Variants in GRM7 observed in about 807,000 individuals in gnomAD.
The protein encoded by GRM7 is metabotropic glutamate receptor 7.
A neutral mutation model predicts 84.5 loss-of-function variants in GRM7; 35 were observed. The ratio of observed to expected loss-of-function variants is 0.41; its 90% CI spans 0.32 to 0.55. The LOEUF is 0.55. Ranked by LOEUF, GRM7 falls within the 20% of genes least tolerant of loss-of-function variation. The probability of loss-of-function intolerance (pLI) is 0.19; values close to 1 mark genes in which losing one functional copy is unlikely to be tolerated. For missense variants in GRM7, 1,003 were observed against 1,194.6 expected, an observed-to-expected ratio of 0.84 and a Z score of 2.36; for synonymous variants, 487 against 455.1, an observed-to-expected ratio of 1.07 and a Z score of -0.89.
intron 1 of GRM7, among the ~76,000 whole-genome samples, chr3:7,082,576 A>G (rs980133436): frequency 1.1e-4 from 17 of 152,232 alleles, no homozygotes; most frequent in African/African-American, 4.1e-4. Context: ...ATTATTTAAG[A>G]CTTATTTAAG....
At chr3:7,405,447 C>T (rs2125165274) in intron 4 of GRM7, among the ~76,000 whole-genome samples, 1 of 152,226 alleles carries the variant, frequency 6.6e-6, no homozygotes, top group South Asian at 2.1e-4. Flanking sequence ...TTAGCATATT[C>T]ATCCACTCAA....
chr3:7,271,402 A>G (rs1402907330), intron 2 of GRM7, among the ~76,000 whole-genome samples: 3 of 151,836 alleles, frequency 2.0e-5, no homozygotes, highest in East Asian at 2.0e-4. Context: ...TACTAAAAAT[A>G]CAAAAAATTA....
At chr3:7,723,856 A>G (rs1318944153) in intron 9 of GRM7, among the ~76,000 whole-genome samples, 1 of 152,030 alleles carries the variant, frequency 6.6e-6, no homozygotes, top group Admixed American at 6.6e-5. Context: ...CCCCAAAAAC[A>G]TTTTTTTAAT....
At chr3:7,453,934 G>T (rs1329113697) in intron 6 of GRM7, among the ~76,000 whole-genome samples, 1 of 152,106 alleles carries the variant, frequency 6.6e-6, no homozygotes, top group Non-Finnish European at 1.5e-5. Flanking sequence ...TAACAAAAAG[G>T]TGGAGGAAGG....
chr3:7,706,979 T>C (rs926937156), intron 9 of GRM7, among the ~76,000 whole-genome samples: 2 of 133,382 alleles, frequency 1.5e-5, no homozygotes, highest in African/African-American at 2.7e-5. Flanking sequence ...ATGTATAATA[T>C]ACCAGTAACA....
At chr3:7,628,395 A>G (rs1365089795) in intron 8 of GRM7, among the ~76,000 whole-genome samples, 1 of 152,150 alleles carries the variant, frequency 6.6e-6, no homozygotes, top group South Asian at 2.1e-4. Context: ...CTGTATCCTC[A>G]GTGCCTGGAA....
chr3:7,714,267 G>A (rs1701698365), intron 9 of GRM7, among the ~76,000 whole-genome samples: 1 of 152,094 alleles, frequency 6.6e-6, no homozygotes, highest in Admixed American at 6.5e-5. Flanking sequence ...TAGGACAACT[G>A]AGGCAACTCT....
At chr3:7,588,579 T>C (rs567841907) in intron 8 of GRM7, among the ~76,000 whole-genome samples, 33 of 152,068 alleles carry the variant, frequency 2.2e-4, no homozygotes, top group African/African-American at 7.0e-4. Context: ...ATGTACATGA[T>C]GGTGTTGGGG....
chr3:6,992,233 A>G (rs544941328), intron 1 of GRM7, among the ~76,000 whole-genome samples: 3 of 152,270 alleles, frequency 2.0e-5, no homozygotes, highest in East Asian at 1.9e-4. Flanking sequence ...CTACTATTCA[A>G]TACACTCAAT....
intron 8 of GRM7, among the ~76,000 whole-genome samples, chr3:7,645,319 C>CAGT (rs1698573220): frequency 8.6e-5 from 13 of 151,864 alleles, no homozygotes; most frequent in Admixed American, 4.6e-4. Flanking sequence ...GAGGCCAAGG[C>CAGT]GGGCAGACCA....
chr3:7,491,622 T>C (rs1699521009), intron 7 of GRM7, among the ~76,000 whole-genome samples: 1 of 152,192 alleles, frequency 6.6e-6, no homozygotes, highest in Non-Finnish European at 1.5e-5. Flanking sequence ...TCCTTTCAGC[T>C]TTTAAACTTA....
intron 1 of GRM7, among the ~76,000 whole-genome samples, chr3:7,137,200 C>G (rs1169700940): frequency 6.6e-6 from 1 of 152,032 alleles, no homozygotes; most frequent in Admixed American, 6.6e-5. Context: ...TCCATTTTAA[C>G]TATTCTTGAA....
chr3:7,344,425 C>T (rs777260138), intron 4 of GRM7, among the ~76,000 whole-genome samples: 6 of 152,104 alleles, frequency 3.9e-5, no homozygotes, highest in East Asian at 1.9e-4. Flanking sequence ...GACATGATCT[C>T]GTTCTTTTTA....
intron 8 of GRM7, among the ~76,000 whole-genome samples, chr3:7,659,554 T>C (rs1327587618): frequency 6.6e-6 from 1 of 152,160 alleles, no homozygotes; most frequent in Non-Finnish European, 1.5e-5. Flanking sequence ...ATACATCCTG[T>C]GTGAAAAGAA....
At chr3:7,043,820 C>A (rs1446196492) in intron 1 of GRM7, among the ~76,000 whole-genome samples, 1 of 152,134 alleles carries the variant, frequency 6.6e-6, no homozygotes, top group African/African-American at 2.4e-5. Flanking sequence ...TTTCAGAATT[C>A]AAATACAAGC....
At position 7,336,130 on chromosome 3, in the gene GRM7, T is replaced by C. The variant is rs1408210051; in HGVS notation, c.1033+29478T>C. The stretch of plus-strand genomic sequence containing the variant: ...GACCAATATCCCTGATGAAGATAGA[T>C]GCAAAAATTCTCAACAAAATACTTG... On this transcript the variant is annotated intron_variant, in intron 4 of 9. Coordinates refer to ENST00000357716, the MANE Select transcript of GRM7 (RefSeq NM_000844.4). 5.9e-5 allele frequency among the ~76,000 whole-genome samples: 9 copies of C among 151,826 alleles called. No homozygotes were observed. The East Asian group carries it at 1.7e-3, about 29-fold the overall frequency.
At chr3:6,957,408 A>G (rs1693104300) in intron 1 of GRM7, among the ~76,000 whole-genome samples, 1 of 152,212 alleles carries the variant, frequency 6.6e-6, no homozygotes. Context: ...GTGTTCCCTG[A>G]GGGCTGCATT....
intron 1 of GRM7, among the ~76,000 whole-genome samples, chr3:7,145,466 T>C (rs975625032): frequency 3.3e-5 from 5 of 152,192 alleles, no homozygotes; most frequent in Non-Finnish European, 7.3e-5. Context: ...GGGCTGGCCT[T>C]AGGCTACCTG....
At position 6,924,053 on chromosome 3, in the gene GRM7, T is replaced by C. The variant is rs548516553; in HGVS notation, c.519+62146T>C. Among the ~76,000 whole-genome samples the C allele has an allele frequency of 2.0e-5, 3 of 152,342 alleles. No homozygotes were observed. The South Asian group carries it at 6.2e-4, about 32-fold the overall frequency. On this transcript the variant is annotated intron_variant, in intron 1 of 9. Transcript: ENST00000357716. ...TAGATTTGCTAGCTTTATAGCAATG[T>C]GTACCTCACTTGTTTTCTCTGAATC...
Sources: allele counts gnomAD v4.1 joint callset (sites outside exome capture counted in the v4.1 genomes callset), GRCh38; gene constraint gnomAD v4.1.1; transcripts MANE v1.5; gene names NCBI Gene and HGNC (gene_info 2026-07-23, HGNC 2026-07-21).